RASEF: variants seen among roughly 807,000 people sequenced by gnomAD.
RASEF encodes RAS and EF-hand domain containing.
In RASEF, 68 loss-of-function variants were observed where a neutral mutation model predicts 90.1. That is an observed-to-expected ratio of 0.75 (90% CI 0.62 to 0.92). The LOEUF (loss-of-function observed/expected upper bound fraction) is 0.92, where lower values mean the gene tolerates loss of function less well. Ranked by LOEUF, RASEF falls within the 40% of genes least tolerant of loss-of-function variation. The pLI, the probability that RASEF is intolerant of heterozygous loss-of-function variation, is 0.00. For synonymous variants in RASEF, 331 were observed against 345.2 expected, an observed-to-expected ratio of 0.96 and a Z score of 0.46; for missense variants, 949 against 937.2, an observed-to-expected ratio of 1.01 and a Z score of -0.16.
the RASEF span, among the ~76,000 whole-genome samples, chr9:83,197,964 T>C: frequency 6.6e-6 from 1 of 152,210 alleles, no homozygotes; most frequent in African/African-American, 2.4e-5. Flanking sequence ...TAGCACGGCT[T>C]TGCACTTACT....
At chr9:83,152,161 A>T in the RASEF span, among the ~76,000 whole-genome samples, 3 of 152,176 alleles carry the variant, frequency 2.0e-5, no homozygotes, top group Non-Finnish European at 4.4e-5. Flanking sequence ...TTGTAAGAGG[A>T]TAAAATCAGA....
At chr9:83,024,586 AC>A (rs1302271772) in intron 2 of RASEF, among the ~76,000 whole-genome samples, 6 of 152,108 alleles carry the variant, frequency 3.9e-5, no homozygotes, top group Admixed American at 6.5e-5. Context: ...TCTGAGGACC[AC>A]CCTTTATCCT....
At chr9:83,013,333 C>T (rs189566737) in intron 4 of RASEF, among the ~76,000 whole-genome samples, 2 of 152,296 alleles carry the variant, frequency 1.3e-5, no homozygotes, top group East Asian at 1.9e-4. Context: ...CCACATTTCA[C>T]GAAGTCTAAG....
chr9:83,126,945 T>A, the RASEF span, among the ~76,000 whole-genome samples: 2 of 152,212 alleles, frequency 1.3e-5, no homozygotes, highest in African/African-American at 4.8e-5. Context: ...AAGTTTTAGA[T>A]CTTTTTATGC....
chr9:83,197,393 C>T, the RASEF span, among the ~76,000 whole-genome samples: 1 of 152,090 alleles, frequency 6.6e-6, no homozygotes, highest in Non-Finnish European at 1.5e-5. Flanking sequence ...AGGTACCAAG[C>T]TCACTGAGGC....
chr9:83,168,791 T>C, the RASEF span, among the ~76,000 whole-genome samples: 52 of 152,250 alleles, frequency 3.4e-4, no homozygotes, highest in Non-Finnish European at 5.4e-4. Flanking sequence ...AAAATGGCTA[T>C]TATTAAAGAC....
At chr9:83,161,774 G>C in the RASEF span, among the ~76,000 whole-genome samples, 11 of 151,930 alleles carry the variant, frequency 7.2e-5, no homozygotes, top group African/African-American at 2.7e-4. Context: ...GAGGAATCCA[G>C]TGGGAGGTGA....
At chr9:83,199,417 G>C in the RASEF span, among the ~76,000 whole-genome samples, 1 of 152,070 alleles carries the variant, frequency 6.6e-6, no homozygotes, top group Non-Finnish European at 1.5e-5. Context: ...TAACTAACAC[G>C]GCCAGCCTGC....
At chr9:83,164,895 TATC>T in the RASEF span, among the ~76,000 whole-genome samples, 1 of 151,982 alleles carries the variant, frequency 6.6e-6, no homozygotes, top group Non-Finnish European at 1.5e-5. Context: ...CAATAAAAGT[TATC>T]ATGAATATAA....
the RASEF span, among the ~76,000 whole-genome samples, chr9:83,149,384 G>T: frequency 6.6e-6 from 1 of 152,186 alleles, no homozygotes; most frequent in East Asian, 1.9e-4. Flanking sequence ...ACATTAGGGA[G>T]CTGGAGAAGG....
chr9:83,095,113 G>A, the RASEF span, among the ~76,000 whole-genome samples: 34 of 152,124 alleles, frequency 2.2e-4, no homozygotes, highest in Non-Finnish European at 2.9e-5. Flanking sequence ...AAGAAAGATG[G>A]CAGTTCTGGA....
At chr9:83,001,601 C>T (rs1471458322) in intron 9 of RASEF, among the ~76,000 whole-genome samples, 4 of 152,156 alleles carry the variant, frequency 2.6e-5, no homozygotes, top group African/African-American at 9.7e-5. Context: ...ACTCAAGACC[C>T]TCAGAGCTGA....
At chr9:82,987,549 T>A (rs1313353447) in intron 16 of RASEF, among the ~76,000 whole-genome samples, 5 of 151,896 alleles carry the variant, frequency 3.3e-5, no homozygotes, top group Non-Finnish European at 7.4e-5. Flanking sequence ...TGACCCAACA[T>A]GCCACACAGG....
At chr9:82,993,542 A>C (rs1828853959) in intron 14 of RASEF, among the ~76,000 whole-genome samples, 1 of 152,226 alleles carries the variant, frequency 6.6e-6, no homozygotes, top group South Asian at 2.1e-4. Context: ...TATAAAACAC[A>C]CAGTAATTTT....
At chr9:83,059,301 C>CACACAG (rs1830163276) in intron 1 of RASEF, among the ~76,000 whole-genome samples, 1 of 150,084 alleles carries the variant, frequency 6.7e-6, no homozygotes, top group South Asian at 2.1e-4. Flanking sequence ...CACACACACA[C>CACACAG]ACAGCCTATT....
chr9:83,196,374 G>T, the RASEF span, among the ~76,000 whole-genome samples: 1 of 152,072 alleles, frequency 6.6e-6, no homozygotes, highest in Non-Finnish European at 1.5e-5. Flanking sequence ...GAACTGCAAA[G>T]GACTTGAATA....
At chr9:83,015,637 G>C (rs1221147187) in intron 4 of RASEF, among the ~76,000 whole-genome samples, 168 bp downstream of exon 4, 1 of 152,160 alleles carries the variant, frequency 6.6e-6, no homozygotes, top group Admixed American at 6.5e-5. Flanking sequence ...CCAAGATCTT[G>C]CCACTGCACT....
the RASEF span, among the ~76,000 whole-genome samples, chr9:83,147,038 A>ATG: frequency 3.9e-5 from 2 of 51,744 alleles, no homozygotes; most frequent in African/African-American, 7.7e-5. Context: ...GTATATATAT[A>ATG]TGTATATATA....
chr9:83,185,145 C>A, the RASEF span, among the ~76,000 whole-genome samples: 2 of 151,824 alleles, frequency 1.3e-5, no homozygotes, highest in East Asian at 1.9e-4. Flanking sequence ...CTGTAGATAG[C>A]ACAGTGATCA....
Sources: allele counts gnomAD v4.1 joint callset (sites outside exome capture counted in the v4.1 genomes callset), GRCh38; gene constraint gnomAD v4.1.1; transcripts MANE v1.5; gene names NCBI Gene and HGNC (gene_info 2026-07-23, HGNC 2026-07-21).